Variants in POM121C observed in about 807,000 individuals in gnomAD.
POM121C encodes POM121 transmembrane nucleoporin C.
In POM121C, 20 loss-of-function variants were observed where a neutral mutation model predicts 66.4. The observed-to-expected ratio is 0.30, with a 90% CI of 0.21 to 0.44. POM121C has a LOEUF of 0.44. Ranked by LOEUF, POM121C falls within the 20% of genes least tolerant of loss-of-function variation. The probability of loss-of-function intolerance (pLI) is 1.00; values close to 1 mark genes in which losing one functional copy is unlikely to be tolerated. For missense variants in POM121C, 580 were observed against 1,225.7 expected (o/e 0.47, Z 7.87); for synonymous variants, 286 against 528.0 (o/e 0.54, Z 6.28).
In POM121C at chr7:75,463,531, G is replaced by A. The variant is rs1246937286; in HGVS notation, c.-152+11173C>T. Reference sequence around the variant, plus strand: ...AAACACTAGTTGAACACAAGCTAACGGCAGAGAGACTTTCAGAGACCGCAC... The same window carrying A: ...AAACACTAGTTGAACACAAGCTAACAGCAGAGAGACTTTCAGAGACCGCAC... On this transcript the variant is annotated intron_variant, in intron 3 of 14. Transcript: ENST00000615331. Among the ~76,000 whole-genome samples, 200 of 150,470 alleles carry A rather than the reference G, an allele frequency of 1.3e-3. 3 individuals are homozygous for A. The highest frequency in any genetic ancestry group is 4.8e-3 in the African/African-American group (193 of 40,630).
Position 75,484,116 on chromosome 7 carries a change from A to G in POM121C, c.-458+1748T>C, listed in dbSNP as rs1166714874. 1.8e-5 allele frequency: 27 copies of G among 1,470,806 alleles called. 1 individual carries two copies. The African/African-American group carries it at 3.8e-4, about 21-fold the overall frequency. The allele number at this position is 1,470,806 out of a possible 1,614,324, so 91.1% of individuals were successfully genotyped here. A position where few individuals can be genotyped will look rare whatever the true frequency, so the allele number is the denominator to read the frequency against. ...GACTCCATCTCAAAAAAAAGAAAAA[A>G]AAAAGTATGAATCCTTACAAACCTC... On this transcript the variant is annotated intron_variant, in intron 1 of 14. Coordinates refer to ENST00000615331, the MANE Select transcript of POM121C (RefSeq NM_001099415.3).
At chr7:75,469,046 CTCTT>C (rs1174261045) in intron 3 of POM121C, among the ~76,000 whole-genome samples, 1 of 152,056 alleles carries the variant, frequency 6.6e-6, no homozygotes, top group Non-Finnish European at 1.5e-5. Context: ...CTTGACTCCT[CTCTT>C]TCTCTTACAC....
At chr7:75,468,147 A>G (rs1345436616) in intron 3 of POM121C, among the ~76,000 whole-genome samples, 1 of 142,730 alleles carries the variant, frequency 7.0e-6, no homozygotes, top group Admixed American at 6.9e-5. Flanking sequence ...AAAAAAAAAA[A>G]AAAAAGAAAA....
chr7:75,436,646 C>T (rs1305940241), intron 7 of POM121C, among the ~76,000 whole-genome samples: 2 of 152,086 alleles, frequency 1.3e-5, no homozygotes, highest in Non-Finnish European at 1.5e-5. Flanking sequence ...ATACTGGATA[C>T]CCACTTACTG....
rs1584727886 is a variant in POM121C, at chr7:75,485,946, C to A, written c.-540G>T. 2.0e-6 allele frequency: 1 copy of A among 498,934 alleles called. No individual in the cohort carries two copies. Among genetic ancestry groups the A allele is most frequent in the African/African-American group, 1.9e-5 (1 of 51,798 alleles). The allele number at this position is 498,934 out of a possible 1,614,324, so 30.9% of individuals were successfully genotyped here. A position where few individuals can be genotyped will look rare whatever the true frequency, so the allele number is the denominator to read the frequency against. ...TGTCGCTGGCGCGCGCGTCTGCTCG[C>A]GAGGTCCCCTCCTGTCCACCTCACC... On this transcript the variant is annotated 5_prime_UTR_variant, in exon 1 of 15. Transcript: ENST00000615331.
chr7:75,450,745 T>C (rs1790995288), intron 3 of POM121C, among the ~76,000 whole-genome samples: 2 of 152,210 alleles, frequency 1.3e-5, no homozygotes, highest in African/African-American at 2.4e-5. Context: ...CCTTCAATGA[T>C]TAAAAACAGA....
Position 75,416,874 on chromosome 7 carries a change from G to C in POM121C, c.*1922C>G, listed in dbSNP as rs1267687625. 2.2e-5 allele frequency: 32 copies of C among 1,440,384 alleles called. No individual in the cohort carries two copies. The highest frequency in any genetic ancestry group is 2.9e-5 in the Non-Finnish European group (32 of 1,101,058). 89.2% of individuals were successfully genotyped at this position (1,440,384 alleles called of 1,614,324 possible). ...TAAAAATTCCAACTAGACTCAACAG[G>C]AATGAAGTCTCTATTTGTAATGGAA... On this transcript the variant is annotated 3_prime_UTR_variant, in exon 15 of 15. Coordinates refer to ENST00000615331, the MANE Select transcript of POM121C (RefSeq NM_001099415.3).
In POM121C at chr7:75,440,939, T is replaced by G; in HGVS notation, c.227+15A>C. 6.2e-7 allele frequency: 1 copy of G among 1,613,988 alleles called. No individual in the cohort carries two copies. The highest frequency in any genetic ancestry group is 8.5e-7 in the Non-Finnish European group (1 of 1,179,866). Reference sequence around the variant, plus strand: ...CAAGCGGGAAACTGGCTTAGTACTCTCCTGAGCCTGTTACCTTCTTTTATT... The same window carrying G: ...CAAGCGGGAAACTGGCTTAGTACTCGCCTGAGCCTGTTACCTTCTTTTATT... On this transcript the variant is annotated intron_variant, in intron 5 of 14. Coordinates refer to ENST00000615331, the MANE Select transcript of POM121C (RefSeq NM_001099415.3).
At chr7:75,448,305 C>G (rs1790897972) in intron 3 of POM121C, among the ~76,000 whole-genome samples, 1 of 151,946 alleles carries the variant, frequency 6.6e-6, no homozygotes, top group Non-Finnish European at 1.5e-5. Context: ...AACGGATGTC[C>G]TTCAGGCAGA....
intron 11 of POM121C, 133 bp from the exon 12 acceptor site, chr7:75,424,358 G>A: frequency 8.5e-7 from 1 of 1,181,772 alleles, no homozygotes; most frequent in Non-Finnish European, 1.2e-6. Context: ...CTGCTGTCCA[G>A]TTCCCGTGAA....
intron 3 of POM121C, among the ~76,000 whole-genome samples, chr7:75,460,734 C>T (rs1391093292): frequency 5.9e-5 from 9 of 152,072 alleles, no homozygotes; most frequent in African/African-American, 2.2e-4. Context: ...AACACTCCCC[C>T]ATTCCTGAGC....
intron 1 of POM121C, among the ~76,000 whole-genome samples, chr7:75,484,706 G>A (rs1468212595): frequency 1.3e-5 from 2 of 149,664 alleles, no homozygotes; most frequent in African/African-American, 4.9e-5. Flanking sequence ...GGAAGCATGC[G>A]CCTGTAACTC....
At chr7:75,456,428 C>T (rs373142401) in intron 3 of POM121C, among the ~76,000 whole-genome samples, 1,072 of 152,218 alleles carry the variant, frequency 7.0e-3, no homozygotes, top group African/African-American at 0.024. Flanking sequence ...ACACATTCGT[C>T]TATTTCATCC....
intron 3 of POM121C, among the ~76,000 whole-genome samples, chr7:75,465,006 T>G (rs1791574009): frequency 6.6e-6 from 1 of 151,526 alleles, no homozygotes; most frequent in African/African-American, 2.4e-5. Flanking sequence ...TTCTTTTTTT[T>G]TTTTTTGGAT....
intron 3 of POM121C, chr7:75,442,332 T>C (rs1178166576): frequency 6.0e-5 from 84 of 1,410,852 alleles, no homozygotes; most frequent in Non-Finnish European, 7.3e-5. Context: ...GGCCCGGGCT[T>C]GCCCAGGTAA....
At chr7:75,435,676 AC>A (rs782503031) in intron 7 of POM121C, among the ~76,000 whole-genome samples, 13 of 152,230 alleles carry the variant, frequency 8.5e-5, no homozygotes, top group Non-Finnish European at 1.2e-4. Context: ...GGATATAAAG[AC>A]CAAATGAATC....
chr7:75,472,178 G>T (rs1418050612), intron 3 of POM121C, among the ~76,000 whole-genome samples: 2 of 151,838 alleles, frequency 1.3e-5, no homozygotes, highest in African/African-American at 4.8e-5. Context: ...GAGCCACCGT[G>T]CCTGGCCATG....
chr7:75,475,338 T>C, intron 1 of POM121C, 150 bp from the exon 2 acceptor site: 2 of 934,342 alleles, frequency 2.1e-6, no homozygotes, highest in South Asian at 3.5e-5. Flanking sequence ...TGGAAACACA[T>C]ATCCTTTGGG....
chr7:75,424,577 C>G lies in POM121C; in HGVS notation c.820G>C (p.Glu274Gln), dbSNP rs202106129. 403 of 1,614,004 alleles carry G rather than the reference C, an allele frequency of 2.5e-4. 1 individual carries two copies. In the African/African-American group the frequency reaches 4.2e-3, roughly 17 times the overall value. Residue 274 changes from glutamate (E) to glutamine (Q), a missense_variant, in exon 11 of 15, where the codon GAG becomes CAG. Glu to Gln is a conservative substitution (Grantham distance 29). Coordinates refer to ENST00000615331, the MANE Select transcript of POM121C (RefSeq NM_001099415.3). Reference sequence around the variant, plus strand: ...AACCACTGTAATGAAGCCTTCTTCTCTAAGTCTAGGTCCTCGGCAGTGATC... The same window carrying G: ...AACCACTGTAATGAAGCCTTCTTCTGTAAGTCTAGGTCCTCGGCAGTGATC... ...YSITAEDLDL[E>Q]KKASLQWFNQ...
Sources: gnomAD v4.1 joint callset for allele counts (sites outside exome capture counted in the v4.1 genomes callset) on GRCh38, gnomAD v4.1.1 for gene constraint, MANE v1.5 for transcripts, NCBI Gene and HGNC (gene_info 2026-07-23, HGNC 2026-07-21) for gene names.